The following RALYL variants were observed in gnomAD, a reference collection of about 807,000 sequenced individuals.
The protein encoded by RALYL is RALY RNA binding protein like, also known as RNA-binding Raly-like protein.
Under a neutral mutation model 35.1 loss-of-function variants are expected in RALYL, and 29 were observed. The observed-to-expected ratio is 0.83, with a 90% CI of 0.61 to 1.13. The LOEUF is 1.13. Ranked by LOEUF, RALYL falls within the 50% of genes most tolerant of loss-of-function variation. The pLI is 0.00. For synonymous variants in RALYL, 120 were observed against 127.6 expected, an observed-to-expected ratio of 0.94 and a Z score of 0.40; for missense variants, 359 against 360.4, an observed-to-expected ratio of 1.00 and a Z score of 0.03.
In RALYL at chr8:84,921,112, AT is replaced by A; in HGVS notation, c.*202del. On this transcript the variant is annotated 3_prime_UTR_variant, in exon 9 of 9. Transcript: ENST00000521268. ...TAAGCTGTACAATTGTCAGGTTTTT[AT>A]GGTTTAAATTGTAAATGTGTTTTCC... is the stretch of plus-strand genomic sequence containing the variant. 1 of 384,984 alleles carries A rather than the reference AT, an allele frequency of 2.6e-6. No homozygotes were observed. The highest frequency in any genetic ancestry group is 4.1e-5 in the East Asian group (1 of 24,568). The allele number at this position is 384,984 out of a possible 1,614,324, so 23.8% of individuals were successfully genotyped here.
intron 2 of RALYL, among the ~76,000 whole-genome samples, chr8:84,757,984 T>C (rs939304288): frequency 2.6e-5 from 4 of 152,140 alleles, no homozygotes; most frequent in Non-Finnish European, 5.9e-5. Context: ...AGAGAAAAAC[T>C]AGAGGTTAAT....
intron 8 of RALYL, among the ~76,000 whole-genome samples, chr8:84,897,223 C>T (rs1220307716): frequency 6.6e-6 from 1 of 152,144 alleles, no homozygotes; most frequent in Non-Finnish European, 1.5e-5. Context: ...AAGTAAATTG[C>T]CGCTGTTATC....
chr8:84,547,630 C>G (rs2060452919), intron 2 of RALYL, among the ~76,000 whole-genome samples: 1 of 152,148 alleles, frequency 6.6e-6, no homozygotes, highest in South Asian at 2.1e-4. Context: ...CTGCCCACCT[C>G]AGTCTCCCAA....
At chr8:84,303,930 A>T (rs1329844977) in intron 1 of RALYL, among the ~76,000 whole-genome samples, 1 of 152,122 alleles carries the variant, frequency 6.6e-6, no homozygotes, top group African/African-American at 2.4e-5. Context: ...ATAAAATATA[A>T]AACTAATGGG....
chr8:84,278,321 C>G (rs1340700555), intron 1 of RALYL, among the ~76,000 whole-genome samples: 2 of 152,196 alleles, frequency 1.3e-5, no homozygotes, highest in East Asian at 1.9e-4. Context: ...GGTGCCATGT[C>G]CCAAAGCTGC....
intron 1 of RALYL, among the ~76,000 whole-genome samples, chr8:84,427,726 C>T (rs1259276680): frequency 4.6e-5 from 7 of 152,238 alleles, no homozygotes; most frequent in Middle Eastern, 3.4e-3. Flanking sequence ...ATCTGAGACG[C>T]GTTCTTTAAG....
At chr8:84,193,634 A>G (rs2130903362) in intron 1 of RALYL, among the ~76,000 whole-genome samples, 1 of 152,314 alleles carries the variant, frequency 6.6e-6, no homozygotes, top group Non-Finnish European at 1.5e-5. Context: ...GTTGAAATTA[A>G]CTGGTATGGA....
intron 1 of RALYL, among the ~76,000 whole-genome samples, chr8:84,401,844 A>T (rs2042951224): frequency 6.6e-6 from 1 of 151,252 alleles, no homozygotes; most frequent in Non-Finnish European, 1.5e-5. Context: ...TTTTCTGATA[A>T]GGACTTTAAT....
chr8:84,435,614 G>A (rs1465788709), intron 1 of RALYL, among the ~76,000 whole-genome samples: 1 of 152,100 alleles, frequency 6.6e-6, no homozygotes, highest in Non-Finnish European at 1.5e-5. Flanking sequence ...ATCATGTGAA[G>A]TGCTGTGCTT....
intron 1 of RALYL, among the ~76,000 whole-genome samples, chr8:84,445,429 C>A (rs2048748302): frequency 6.6e-6 from 1 of 151,772 alleles, no homozygotes; most frequent in South Asian, 2.1e-4. Context: ...GAACAGAAGA[C>A]AACTCGTCTC....
intron 8 of RALYL, among the ~76,000 whole-genome samples, chr8:84,906,325 G>A (rs1025318285): frequency 6.6e-6 from 1 of 151,950 alleles, no homozygotes; most frequent in Non-Finnish European, 1.5e-5. Context: ...ATGATGAGCT[G>A]TAAAAACTCT....
chr8:84,774,733 G>A (rs1816422375), intron 3 of RALYL, 79 bp downstream of exon 3: 2 of 855,184 alleles, frequency 2.3e-6, no homozygotes, highest in African/African-American at 1.7e-5. Flanking sequence ...AACTTGTAAG[G>A]CATCCACTAT....
At chr8:84,273,186 A>G (rs991260890) in intron 1 of RALYL, among the ~76,000 whole-genome samples, 1 of 152,266 alleles carries the variant, frequency 6.6e-6, no homozygotes, top group Non-Finnish European at 1.5e-5. Flanking sequence ...TCTATAGATC[A>G]GACATCCAGA....
intron 1 of RALYL, among the ~76,000 whole-genome samples, chr8:84,488,453 T>C (rs1012493425): frequency 3.3e-5 from 5 of 151,592 alleles, no homozygotes; most frequent in African/African-American, 1.2e-4. Flanking sequence ...CTGCATCCTG[T>C]TGTTGCTCCA....
intron 1 of RALYL, among the ~76,000 whole-genome samples, chr8:84,237,083 T>C (rs897691148): frequency 1.3e-5 from 2 of 152,182 alleles, no homozygotes; most frequent in African/African-American, 2.4e-5. Context: ...TCAAGCAAGC[T>C]TACAGAATAA....
chr8:84,744,841 C>T (rs576194759), intron 2 of RALYL, among the ~76,000 whole-genome samples: 66 of 151,856 alleles, frequency 4.3e-4, no homozygotes, highest in Middle Eastern at 3.4e-3. Context: ...TGATAAAAGA[C>T]GATATGAAGG....
At chr8:84,237,365 C>T (rs929104903) in intron 1 of RALYL, among the ~76,000 whole-genome samples, 3 of 152,064 alleles carry the variant, frequency 2.0e-5, no homozygotes, top group African/African-American at 7.2e-5. Flanking sequence ...GTATGCAGAG[C>T]AGAAGTGACA....
intron 1 of RALYL, among the ~76,000 whole-genome samples, chr8:84,423,916 T>A (rs919357091): frequency 6.6e-6 from 1 of 151,888 alleles, no homozygotes; most frequent in Non-Finnish European, 1.5e-5. Flanking sequence ...TGCCGAGAGA[T>A]CTGCTGTTAG....
At chr8:84,423,257 G>T (rs1451399039) in intron 1 of RALYL, among the ~76,000 whole-genome samples, 13 of 151,706 alleles carry the variant, frequency 8.6e-5, no homozygotes, top group Non-Finnish European at 1.8e-4. Context: ...TATATATTTA[G>T]GATAGTTAGC....
Sources: allele counts gnomAD v4.1 joint callset (sites outside exome capture counted in the v4.1 genomes callset), GRCh38; gene constraint gnomAD v4.1.1; transcripts MANE v1.5; gene names NCBI Gene and HGNC (gene_info 2026-07-23, HGNC 2026-07-21).